Variants in EPS8 observed in about 807,000 individuals in gnomAD.
The protein encoded by EPS8 is EGFR pathway substrate 8, signaling adaptor.
EPS8 carries 42 observed loss-of-function variants against 103.8 expected under a neutral mutation model. That is an observed-to-expected ratio of 0.40 (90% CI 0.32 to 0.52). The LOEUF is 0.52. EPS8 is among the 20% of genes least tolerant of loss of function. The pLI, the probability that EPS8 is intolerant of heterozygous loss-of-function variation, is 0.40. For synonymous variants in EPS8, 344 were observed against 344.6 expected, an observed-to-expected ratio of 1.00 and a Z score of 0.02; for missense variants, 969 against 1,005.1, an observed-to-expected ratio of 0.96 and a Z score of 0.49.
intron 12 of EPS8, among the ~76,000 whole-genome samples, chr12:15,655,925 T>G (rs1945500259): frequency 6.6e-6 from 1 of 152,166 alleles, no homozygotes; most frequent in Non-Finnish European, 1.5e-5. Context: ...TCCGGGGCCC[T>G]GTAGGGAGAA....
intron 1 of EPS8, among the ~76,000 whole-genome samples, chr12:15,715,243 C>T (rs1820720626): frequency 6.6e-6 from 1 of 152,158 alleles, no homozygotes; most frequent in Admixed American, 6.5e-5. Context: ...GTGAGGTGGC[C>T]TCTCAGCTTT....
chr12:15,774,060 A>G (rs1947182181), intron 1 of EPS8, among the ~76,000 whole-genome samples: 1 of 152,138 alleles, frequency 6.6e-6, no homozygotes, highest in South Asian at 2.1e-4. Flanking sequence ...AAAAGCAGGA[A>G]AATAATTCCA....
At chr12:15,628,796 A>C (rs1420369143) in intron 18 of EPS8, among the ~76,000 whole-genome samples, 6 of 152,176 alleles carry the variant, frequency 3.9e-5, no homozygotes, top group African/African-American at 1.4e-4. Context: ...TTTTACCAGA[A>C]GTTTAGGCAG....
intron 1 of EPS8, among the ~76,000 whole-genome samples, chr12:15,786,146 T>C (rs2136061210): frequency 6.6e-6 from 1 of 152,060 alleles, no homozygotes; most frequent in East Asian, 1.9e-4. Context: ...AGTGGAAAAA[T>C]CTGATAAACA....
Position 15,748,741 on chromosome 12 carries a change from A to C in EPS8, c.-22+40420T>G, listed in dbSNP as rs1180907473. Reference sequence around the variant, plus strand: ...AAGTTTTATGTCAGGTAAAGACAGAATATCCAATGTATAACAGATCTAAGC... The same window carrying C: ...AAGTTTTATGTCAGGTAAAGACAGACTATCCAATGTATAACAGATCTAAGC... On this transcript the variant is annotated intron_variant, in intron 1 of 20. Coordinates refer to ENST00000281172, the MANE Select transcript of EPS8 (RefSeq NM_004447.6). The surrounding 1 kb of genome is among the most constrained non-coding windows in gnomAD (Gnocchi z 4.8). Among the ~76,000 whole-genome samples, 1 of 152,226 alleles carries C rather than the reference A, an allele frequency of 6.6e-6. No individual in the cohort carries two copies. Among genetic ancestry groups the C allele is most frequent in the Non-Finnish European group, 1.5e-5 (1 of 68,030 alleles).
chr12:15,626,527 GC>G (rs1241170982), intron 18 of EPS8, among the ~76,000 whole-genome samples: 23 of 151,674 alleles, frequency 1.5e-4, no homozygotes, highest in Admixed American at 1.1e-3. Flanking sequence ...TACTCGGGAG[GC>G]TGAGGCAGGA....
At chr12:15,652,478 A>C (rs897849311) in intron 13 of EPS8, among the ~76,000 whole-genome samples, 7 of 152,224 alleles carry the variant, frequency 4.6e-5, no homozygotes, top group African/African-American at 1.7e-4. Context: ...TAAGATATTT[A>C]AGGTGATGGA....
At position 15,690,591 on chromosome 12, in the gene EPS8, A is replaced by G. The variant is rs957209922; in HGVS notation, c.-21-7619T>C. On this transcript the variant is annotated intron_variant, in intron 1 of 20. Transcript: ENST00000281172. This position sits in a 1 kb window ranked among gnomAD's most constrained non-coding sequence, Gnocchi z 4.7. ...TCCATTGTTTCAATTTGTCTGCTCT[A>G]TTTTAGTAATACATGGTTTTACAGA... 3.9e-5 allele frequency among the ~76,000 whole-genome samples: 6 copies of G among 152,170 alleles called. No homozygotes were observed. Among genetic ancestry groups the G allele is most frequent in the African/African-American group, 9.7e-5 (4 of 41,446 alleles).
rs1947257249 is a variant in EPS8, at chr12:15,781,156, C to G, written c.-22+8005G>C. On this transcript the variant is annotated intron_variant, in intron 1 of 20. Coordinates refer to ENST00000281172, the MANE Select transcript of EPS8 (RefSeq NM_004447.6). The surrounding 1 kb of genome is among the most constrained non-coding windows in gnomAD (Gnocchi z 4.1). ...CCTCATTCTTTAAAACAACCGTGTT[C>G]CATCACCACATACCTCTGGTCAGTA... 1.3e-5 allele frequency among the ~76,000 whole-genome samples: 2 copies of G among 152,200 alleles called. No homozygotes were observed.
intron 15 of EPS8, among the ~76,000 whole-genome samples, chr12:15,644,137 G>A (rs1018326539): frequency 2.0e-5 from 3 of 152,318 alleles, no homozygotes; most frequent in South Asian, 2.1e-4. Flanking sequence ...GTATGCTTCT[G>A]TAACAATAGC....
intron 1 of EPS8, among the ~76,000 whole-genome samples, chr12:15,788,361 C>G (rs1399622093): frequency 6.6e-6 from 1 of 152,146 alleles, no homozygotes; most frequent in Non-Finnish European, 1.5e-5. Context: ...CTAACCACGG[C>G]GTCCTGCCCC....
intron 1 of EPS8, among the ~76,000 whole-genome samples, chr12:15,775,964 C>T (rs563242275): frequency 4.2e-4 from 64 of 152,192 alleles, no homozygotes; most frequent in African/African-American, 1.5e-3. Flanking sequence ...CTCATATATG[C>T]GTATCACAAG....
At chr12:15,740,433 T>A (rs1239194564) in intron 1 of EPS8, among the ~76,000 whole-genome samples, 1 of 151,924 alleles carries the variant, frequency 6.6e-6, no homozygotes, top group Non-Finnish European at 1.5e-5. Context: ...TAATCCCAGC[T>A]ACTCGGGAGG....
chr12:15,737,728 T>TA (rs760435517), intron 1 of EPS8, among the ~76,000 whole-genome samples: 3 of 152,182 alleles, frequency 2.0e-5, no homozygotes, highest in Non-Finnish European at 4.4e-5. Context: ...ATTAAAAACT[T>TA]AATGATGCTA....
At chr12:15,640,491 C>G (rs1215983847) in intron 17 of EPS8, among the ~76,000 whole-genome samples, 2 of 152,152 alleles carry the variant, frequency 1.3e-5, no homozygotes, top group Non-Finnish European at 2.9e-5. Context: ...TGCTAAACAT[C>G]TTGAACAATT....
chr12:15,766,832 C>T (rs939516720), intron 1 of EPS8, among the ~76,000 whole-genome samples: 1 of 152,216 alleles, frequency 6.6e-6, no homozygotes, highest in African/African-American at 2.4e-5. Flanking sequence ...ATGTCTAACT[C>T]GATTCTTTGA....
Position 15,764,421 on chromosome 12 carries a change from T to A in EPS8, c.-22+24740A>T, listed in dbSNP as rs944374482. ...GACAATCTGTTCAAGTCCACAAGGT[T>A]CCAGGCAAATTAAGAAATATTCCAG... is the stretch of plus-strand genomic sequence containing the variant. On this transcript the variant is annotated intron_variant, in intron 1 of 20. Coordinates refer to ENST00000281172, the MANE Select transcript of EPS8 (RefSeq NM_004447.6). This position sits in a 1 kb window ranked among gnomAD's most constrained non-coding sequence, Gnocchi z 4.1. Among the ~76,000 whole-genome samples, 5 of 152,186 alleles carry A rather than the reference T, an allele frequency of 3.3e-5. No homozygotes were observed. Among genetic ancestry groups the A allele is most frequent in the African/African-American group, 1.2e-4 (5 of 41,426 alleles).
At chr12:15,758,889 G>A (rs1259102264) in intron 1 of EPS8, among the ~76,000 whole-genome samples, 5 of 152,116 alleles carry the variant, frequency 3.3e-5, no homozygotes, top group Admixed American at 2.6e-4. Flanking sequence ...ATACATACAT[G>A]TATACAAGGG....
intron 8 of EPS8, chr12:15,665,517 G>T (rs1945691610): frequency 1.8e-5 from 8 of 442,148 alleles, no homozygotes; most frequent in Non-Finnish European, 3.2e-5. Context: ...TTTTAATAGA[G>T]ACGGGGTTTC....
Sources: allele counts gnomAD v4.1 joint callset (sites outside exome capture counted in the v4.1 genomes callset), GRCh38; gene constraint gnomAD v4.1.1; non-coding constraint Gnocchi (gnomAD v3.1); transcripts MANE v1.5; gene names NCBI Gene and HGNC (gene_info 2026-07-23, HGNC 2026-07-21).